The following CCDC149 variants were observed in gnomAD, a reference collection of about 807,000 sequenced individuals.
CCDC149 encodes the protein coiled-coil domain containing 149, also known as coiled-coil domain-containing protein 149.
A neutral mutation model predicts 59.9 loss-of-function variants in CCDC149; 45 were observed. The ratio of observed to expected loss-of-function variants is 0.75; its 90% confidence interval spans 0.59 to 0.96. The LOEUF is 0.96. Among genes scored for constraint, CCDC149 ranks in the 40% least tolerant of loss-of-function variants. The pLI is 0.00. For missense variants in CCDC149, 584 were observed against 664.7 expected, an observed-to-expected ratio of 0.88 and a Z score of 1.33; for synonymous variants, 245 against 260.6, an observed-to-expected ratio of 0.94 and a Z score of 0.58.
chr4:24,804,284 AG>A, downstream of CCDC149, among the ~76,000 whole-genome samples: 1 of 152,240 alleles, frequency 6.6e-6, no homozygotes, highest in East Asian at 1.9e-4. Flanking sequence ...CGAGGTTGGG[AG>A]TTTGAGACCA....
downstream of CCDC149, among the ~76,000 whole-genome samples, chr4:24,805,265 T>C (rs1332931995): frequency 6.6e-6 from 1 of 151,896 alleles, no homozygotes; most frequent in Non-Finnish European, 1.5e-5. Flanking sequence ...GCCGGAAAAA[T>C]AATGGAAGGA....
At chr4:24,919,410 C>T (rs535144255) in intron 1 of CCDC149, among the ~76,000 whole-genome samples, 2 of 152,072 alleles carry the variant, frequency 1.3e-5, no homozygotes, top group Non-Finnish European at 2.9e-5. Flanking sequence ...GGAAATGAAC[C>T]GTAAAACTAG....
chr4:24,864,910 G>A (rs1718604856), intron 3 of CCDC149, among the ~76,000 whole-genome samples: 1 of 152,168 alleles, frequency 6.6e-6, no homozygotes, highest in Admixed American at 6.5e-5. Context: ...GGTTCTGCAG[G>A]GCTGACTGGG....
At chr4:24,839,000 ACTCTCTCT>A (rs36052894) in intron 4 of CCDC149, among the ~76,000 whole-genome samples, 4,654 of 128,564 alleles carry the variant, frequency 0.036, 225 homozygotes, top group African/African-American at 0.12. Context: ...TATACTAAGA[ACTCTCTCT>A]CTCTCTCTCT....
At position 24,874,306 on chromosome 4, in the gene CCDC149, C is replaced by T. The variant is rs974825320; in HGVS notation, c.226-587G>A. 6.3e-5 allele frequency among the ~76,000 whole-genome samples: 8 copies of T among 127,916 alleles called. No homozygotes were observed. In the East Asian group the frequency reaches 1.7e-3, roughly 28 times the overall value. The allele number at this position is 127,916 out of a possible 152,430, so 83.9% of individuals were successfully genotyped here. On this transcript the variant is annotated intron_variant, in intron 2 of 12. Coordinates refer to ENST00000635206, the MANE Select transcript of CCDC149 (RefSeq NM_001330643.2). ...TTGCCTTAAAAGGATTCTGGCCAGG[C>T]GTGGTGGCTCAGGCCTGTAATCTCA...
At chr4:24,902,641 AGCCTCACCAACT>A (rs1721233910) in intron 1 of CCDC149, among the ~76,000 whole-genome samples, 3 of 152,264 alleles carry the variant, frequency 2.0e-5, no homozygotes, top group Middle Eastern at 3.4e-3. Flanking sequence ...CACTCCATCA[AGCCTCACCAACT>A]GCCTACATTA....
At chr4:24,864,673 T>A (rs980687472) in intron 3 of CCDC149, among the ~76,000 whole-genome samples, 3 of 152,248 alleles carry the variant, frequency 2.0e-5, no homozygotes, top group African/African-American at 4.8e-5. Context: ...CTTGTCTTGA[T>A]AAATTGGCTC....
chr4:24,852,516 T>C (rs1258275192), intron 4 of CCDC149, among the ~76,000 whole-genome samples: 1 of 152,070 alleles, frequency 6.6e-6, no homozygotes, highest in Non-Finnish European at 1.5e-5. Context: ...GGAGAGAGAG[T>C]GCACACATTT....
intron 3 of CCDC149, among the ~76,000 whole-genome samples, chr4:24,860,642 G>A (rs1483148795): frequency 6.6e-6 from 1 of 152,146 alleles, no homozygotes; most frequent in African/African-American, 2.4e-5. Context: ...GAAATTATCA[G>A]CAGAGTAAAC....
chr4:24,836,335 C>T, intron 7 of CCDC149, 101 bp downstream of exon 7: 1 of 801,456 alleles, frequency 1.2e-6, no homozygotes, highest in Non-Finnish European at 2.1e-6. Flanking sequence ...GGAGGGCAGG[C>T]AAGTACTAAA....
Position 24,808,692 on chromosome 4 carries a change from G to A in CCDC149, c.1320C>T (p.Leu440=), listed in dbSNP as rs745737968. The change falls in exon 13 of 13, where the codon CTC becomes CTT. Residue 440 remains leucine, a synonymous_variant. Transcript: ENST00000635206. ...GTAACTGGGGTAATGAAGGATGAAA[G>A]AGCTTGCATTGGTTCCCGCGGCTCT... The A allele has an allele frequency of 1.9e-6, 3 of 1,552,262 alleles. No homozygotes were observed. The African/African-American group carries it at 4.1e-5, about 21-fold the overall frequency.
chr4:24,842,913 A>G (rs1373560176), intron 4 of CCDC149, among the ~76,000 whole-genome samples: 1 of 151,934 alleles, frequency 6.6e-6, no homozygotes, highest in Non-Finnish European at 1.5e-5. Context: ...AGGAGCAGCT[A>G]TTTTCCGGGT....
At chr4:24,865,245 A>G (rs1718627799) in intron 3 of CCDC149, among the ~76,000 whole-genome samples, 1 of 152,226 alleles carries the variant, frequency 6.6e-6, no homozygotes, top group African/African-American at 2.4e-5. Flanking sequence ...ATGGTATTAA[A>G]AAGTTTGATA....
At chr4:24,832,192 A>G (rs1479241646) in intron 8 of CCDC149, among the ~76,000 whole-genome samples, 1 of 152,200 alleles carries the variant, frequency 6.6e-6, no homozygotes, top group Admixed American at 6.5e-5. Context: ...CATTTGTTTG[A>G]AGGTATTATA....
intron 3 of CCDC149, among the ~76,000 whole-genome samples, chr4:24,863,715 C>A: frequency 6.6e-6 from 1 of 152,254 alleles, no homozygotes; most frequent in East Asian, 1.9e-4. Context: ...CCAGCCTAGT[C>A]TTTGCTCATA....
At chr4:24,963,780 C>T (rs1723715359) in intron 1 of CCDC149, among the ~76,000 whole-genome samples, 1 of 152,190 alleles carries the variant, frequency 6.6e-6, no homozygotes, top group South Asian at 2.1e-4. Flanking sequence ...GATTTTAAGG[C>T]ATTCGTCATG....
chr4:24,969,809 C>A (rs1723906949), intron 1 of CCDC149, among the ~76,000 whole-genome samples: 1 of 152,194 alleles, frequency 6.6e-6, no homozygotes, highest in Non-Finnish European at 1.5e-5. Flanking sequence ...TGGCCCTGTA[C>A]CCTCCAAGCC....
At chr4:24,954,000 A>G (rs930402886) in intron 1 of CCDC149, among the ~76,000 whole-genome samples, 1 of 152,104 alleles carries the variant, frequency 6.6e-6, no homozygotes, top group Non-Finnish European at 1.5e-5. Context: ...GAGGAACAGA[A>G]AGAAAAAAGA....
chr4:24,841,525 A>C (rs1406506295), intron 4 of CCDC149, among the ~76,000 whole-genome samples: 1 of 152,220 alleles, frequency 6.6e-6, no homozygotes, highest in African/African-American at 2.4e-5. Flanking sequence ...ACTTATTTTT[A>C]AAAGTGAGGC....
Sources: gnomAD v4.1 joint callset for allele counts (sites outside exome capture counted in the v4.1 genomes callset) on GRCh38, gnomAD v4.1.1 for gene constraint, MANE v1.5 for transcripts, NCBI Gene and HGNC (gene_info 2026-07-23, HGNC 2026-07-21) for gene names.